The following MID1 variants were observed in gnomAD, a reference collection of about 807,000 sequenced individuals.
MID1 encodes E3 ubiquitin-protein ligase Midline-1.
MID1 carries 7 observed loss-of-function variants against 40.4 expected under a neutral mutation model. The observed-to-expected ratio is 0.17, with a 90% CI of 0.10 to 0.33. The LOEUF (loss-of-function observed/expected upper bound fraction) is 0.33. MID1 is among the 10% of genes least tolerant of loss of function. The probability of loss-of-function intolerance (pLI) is 1.00; values close to 1 mark genes in which losing one functional copy is unlikely to be tolerated. For synonymous variants in MID1, 229 were observed against 221.2 expected (o/e 1.04, Z -0.31); for missense variants, 367 against 558.5 (o/e 0.66, Z 3.46).
chrX:10,533,293 C>T (rs2147389723), intron 2 of MID1, among the ~76,000 whole-genome samples: 1 of 93,661 alleles, frequency 1.1e-5, no homozygotes, highest in East Asian at 3.7e-4. Flanking sequence ...AAACAACCTT[C>T]TCTTTTTAAT....
At chrX:10,527,718 G>T (rs1350834313) in intron 2 of MID1, among the ~76,000 whole-genome samples, 1 of 111,539 alleles carries the variant, frequency 9.0e-6, no homozygotes, top group Non-Finnish European at 1.9e-5. Context: ...ACTGGCAATT[G>T]GTGGATATGC....
chrX:10,624,503 C>T (rs896967336), upstream of MID1, among the ~76,000 whole-genome samples: 1 of 112,046 alleles, frequency 8.9e-6, no homozygotes, highest in Non-Finnish European at 1.9e-5. Flanking sequence ...TCTAGTTTGT[C>T]TTAAGATTAA....
At chrX:10,711,212 G>A (rs1387131578) in intron 1 of MID1, among the ~76,000 whole-genome samples, 1 of 112,014 alleles carries the variant, frequency 8.9e-6, no homozygotes, top group Non-Finnish European at 1.9e-5. Flanking sequence ...ATGAACAACA[G>A]CCTTCTTGTC....
intron 3 of MID1, among the ~76,000 whole-genome samples, chrX:10,506,902 G>T (rs965204908): frequency 9.0e-6 from 1 of 111,583 alleles, no homozygotes; most frequent in Non-Finnish European, 1.9e-5. Context: ...ACTGTAAGTG[G>T]GTCTAAGTTT....
At chrX:10,488,212 A>G (rs957829254) in intron 4 of MID1, among the ~76,000 whole-genome samples, 1 of 110,619 alleles carries the variant, frequency 9.0e-6, no homozygotes, top group African/African-American at 3.3e-5. Flanking sequence ...CAAACTCCTG[A>G]GCTCAAAGCA....
At chrX:10,561,866 C>T (rs1290129815) in intron 2 of MID1, among the ~76,000 whole-genome samples, 1 of 107,190 alleles carries the variant, frequency 9.3e-6, no homozygotes, top group Admixed American at 9.7e-5. Context: ...AATCCCATTA[C>T]CGGGTAGATA....
chrX:10,668,410 TATTATGTTCCA>T (rs1188694267), intron 1 of MID1, among the ~76,000 whole-genome samples: 2 of 112,377 alleles, frequency 1.8e-5, no homozygotes, highest in Non-Finnish European at 3.8e-5. Context: ...CTTAAATGCC[TATTATGTTCCA>T]ATTATGTTCC....
At chrX:10,793,220 T>C (rs934660331) in intron 1 of MID1, among the ~76,000 whole-genome samples, 9 of 112,621 alleles carry the variant, frequency 8.0e-5, no homozygotes, top group Non-Finnish European at 5.6e-5. Context: ...ACAGATTTGC[T>C]TGGACATCAA....
Position 10,460,639 on chromosome X carries a change from C to CT in MID1, c.1286-833dup, listed in dbSNP as rs200157564. On this transcript the variant is annotated intron_variant, in intron 7 of 9. Coordinates refer to ENST00000317552, the MANE Select transcript of MID1 (RefSeq NM_000381.4). ...CAGGCTGTCAAGAAGTTTCCTGACT[C>CT]TGTTGAATTTCCTTCACTGATCCCT... is the stretch of plus-strand genomic sequence containing the variant. Among the ~76,000 whole-genome samples, 709 of 110,948 alleles carry CT rather than the reference C, an allele frequency of 6.4e-3. 7 individuals are homozygous for CT. The highest frequency in any genetic ancestry group is 0.022 in the African/African-American group (661 of 30,483).
At chrX:10,599,372 A>G (rs143836304) in intron 1 of MID1, among the ~76,000 whole-genome samples, 3,378 of 111,936 alleles carry the variant, frequency 0.03, 37 homozygotes, top group African/African-American at 0.037. Context: ...CAAATCTCCA[A>G]TGCCCTTATT....
chrX:10,695,250 G>A (rs766563065), intron 1 of MID1, among the ~76,000 whole-genome samples: 28 of 111,315 alleles, frequency 2.5e-4, no homozygotes, highest in African/African-American at 5.9e-4. Flanking sequence ...TCAGCCTCCC[G>A]AGTAGCTGGG....
chrX:10,770,817 A>G (rs1202576269), intron 1 of MID1, among the ~76,000 whole-genome samples: 1 of 112,036 alleles, frequency 8.9e-6, no homozygotes, highest in African/African-American at 3.2e-5. Flanking sequence ...GATTCTTTTT[A>G]TACTTGGCTG....
chrX:10,663,509 A>G lies in MID1; in HGVS notation c.-186-43090T>C, dbSNP rs751122696. Among the ~76,000 whole-genome samples, 43 of 111,638 alleles carry G rather than the reference A, an allele frequency of 3.9e-4. No individual in the cohort carries two copies. The South Asian group carries it at 8.8e-3, about 23-fold the overall frequency. On this transcript the variant is annotated intron_variant, in intron 1 of 10. Coordinates refer to the MID1 transcript ENST00000380785. ...GTACGGAAATGCATGGATATCCTGC[A>G]TTTGTTTTTTTGTTTGTTTTTTGTT... is the stretch of plus-strand genomic sequence containing the variant.
chrX:10,731,499 G>C (rs2043448434), intron 1 of MID1, among the ~76,000 whole-genome samples: 1 of 111,923 alleles, frequency 8.9e-6, no homozygotes, highest in Non-Finnish European at 1.9e-5. Flanking sequence ...AGGGAAATTA[G>C]AAAATACTTT....
chrX:10,831,661 T>G (rs989284159), intron 1 of MID1, among the ~76,000 whole-genome samples: 2 of 111,741 alleles, frequency 1.8e-5, no homozygotes, highest in Admixed American at 1.9e-4. Context: ...AACAGGCTGC[T>G]GAGGAGCCGG....
chrX:10,563,327 T>C (rs746771997), intron 2 of MID1, among the ~76,000 whole-genome samples: 17 of 111,741 alleles, frequency 1.5e-4, no homozygotes, highest in African/African-American at 5.5e-4. Flanking sequence ...GGGGCTATGC[T>C]GAAACTGAAA....
Position 10,628,082 on chromosome X carries a change from T to G in MID1, c.-186-7663A>C, listed in dbSNP as rs187409972. ...TGTTACACACAGATCATGGTGTGTG[T>G]TTTTTTTTAACATTTTTAATGGCCA... is the stretch of plus-strand genomic sequence containing the variant. On this transcript the variant is annotated intron_variant, in intron 1 of 10. Transcript: ENST00000380785. 5.2e-3 allele frequency among the ~76,000 whole-genome samples: 554 copies of G among 105,934 alleles called. 7 individuals are homozygous for G. Among genetic ancestry groups the G allele is most frequent in the African/African-American group, 0.018 (524 of 29,903 alleles). The allele number at this position is 105,934 out of a possible 115,157, so 92.0% of individuals were successfully genotyped here.
intron 1 of MID1, among the ~76,000 whole-genome samples, chrX:10,680,963 T>C (rs2043055190): frequency 9.4e-6 from 1 of 106,247 alleles, no homozygotes; most frequent in Non-Finnish European, 1.9e-5. Flanking sequence ...GAGGTGGAGG[T>C]TGCAGTGAGC....
intron 1 of MID1, among the ~76,000 whole-genome samples, chrX:10,595,557 A>C (rs766005824): frequency 2.7e-5 from 3 of 111,821 alleles, no homozygotes; most frequent in Non-Finnish European, 5.6e-5. Flanking sequence ...AAATTTAAAA[A>C]CATTAAAAAA....
Sources: allele counts gnomAD v4.1 joint callset (sites outside exome capture counted in the v4.1 genomes callset), GRCh38; gene constraint gnomAD v4.1.1; transcripts MANE v1.5; gene names NCBI Gene and HGNC (gene_info 2026-07-23, HGNC 2026-07-21).